The following TBC1D4 variants were observed in gnomAD, a reference collection of about 807,000 sequenced individuals.
The protein encoded by TBC1D4 is TBC1 domain family member 4.
A neutral mutation model predicts 142.5 loss-of-function variants in TBC1D4; 121 were observed. That is an observed-to-expected ratio of 0.85 (90% confidence interval 0.73 to 0.99). The LOEUF (loss-of-function observed/expected upper bound fraction) is 0.99. TBC1D4 is among the 50% of genes least tolerant of loss of function. The pLI is 0.00. For synonymous variants in TBC1D4, 630 were observed against 628.2 expected, an observed-to-expected ratio of 1.00 and a Z score of -0.04; for missense variants, 1,475 against 1,606.6, an observed-to-expected ratio of 0.92 and a Z score of 1.40.
chr13:75,296,317 A>C (rs1473286573), intron 17 of TBC1D4, among the ~76,000 whole-genome samples: 1 of 152,354 alleles, frequency 6.6e-6, no homozygotes, highest in Non-Finnish European at 1.5e-5. Flanking sequence ...TATCAACAAA[A>C]GAGTTAGTAT....
At chr13:75,331,387 C>A (rs1879730809) in intron 8 of TBC1D4, among the ~76,000 whole-genome samples, 1 of 151,998 alleles carries the variant, frequency 6.6e-6, no homozygotes, top group Non-Finnish European at 1.5e-5. Context: ...ATGGTCCTAG[C>A]TACTTGGGAG....
intron 12 of TBC1D4, among the ~76,000 whole-genome samples, chr13:75,316,125 T>C (rs1271611906): frequency 6.6e-6 from 1 of 152,228 alleles, no homozygotes; most frequent in Non-Finnish European, 1.5e-5. Flanking sequence ...TATATTTTAA[T>C]GCTGGAATTA....
chr13:75,374,027 A>C (rs906912483), intron 1 of TBC1D4, among the ~76,000 whole-genome samples: 12 of 152,294 alleles, frequency 7.9e-5, no homozygotes, highest in African/African-American at 2.9e-4. Flanking sequence ...TACGCACCTC[A>C]CACATATCTG....
chr13:75,384,434 A>G (rs1233463905), intron 1 of TBC1D4, among the ~76,000 whole-genome samples: 1 of 152,076 alleles, frequency 6.6e-6, no homozygotes, highest in Non-Finnish European at 1.5e-5. Context: ...CCATCTCAAA[A>G]ACCTCACCTC....
At position 75,291,343 on chromosome 13, in the gene TBC1D4, C is replaced by T. The variant is rs114384819; in HGVS notation, c.3486+759G>A. Among the ~76,000 whole-genome samples, 449 of 152,310 alleles carry T rather than the reference C, an allele frequency of 2.9e-3. 2 individuals are homozygous for T. Among genetic ancestry groups the T allele is most frequent in the African/African-American group, 0.01 (427 of 41,574 alleles). ...ACAACCAGCACAGAACCCTCCTCCA[C>T]GGTTCCAGCTCTCCCTGGGCCTAGT... On this transcript the variant is annotated intron_variant, in intron 19 of 20. Transcript: ENST00000377636.
intron 8 of TBC1D4, among the ~76,000 whole-genome samples, chr13:75,331,828 A>G (rs1253433077): frequency 2.1e-5 from 3 of 144,734 alleles, no homozygotes; most frequent in Non-Finnish European, 4.5e-5. Context: ...TGAATTTTCT[A>G]CTATACAACT....
At chr13:75,321,193 C>G (rs1878743756) in intron 11 of TBC1D4, among the ~76,000 whole-genome samples, 1 of 151,984 alleles carries the variant, frequency 6.6e-6, no homozygotes. Flanking sequence ...TACTATGAAC[C>G]TTCTCCCCTC....
intron 16 of TBC1D4, among the ~76,000 whole-genome samples, chr13:75,301,478 A>G (rs927223278): frequency 6.6e-6 from 1 of 151,892 alleles, no homozygotes; most frequent in Non-Finnish European, 1.5e-5. Context: ...CATCTCTACT[A>G]AAAATACAAA....
chr13:75,427,480 T>A (rs7330730), intron 1 of TBC1D4, among the ~76,000 whole-genome samples: 15,301 of 152,166 alleles, frequency 0.1, 1,180 homozygotes, highest in African/African-American at 0.22. Flanking sequence ...AGACTCAAGT[T>A]CAAGACCAGC....
Position 75,286,636 on chromosome 13 carries a change from G to C in TBC1D4, c.*156C>G, listed in dbSNP as rs1358496398. ...CAATGGCTTAGGATTGGCATGCTCTGATGAGCACGAGGTCCACCTGCTGTG... is the reference window on the plus strand; with the variant it reads ...CAATGGCTTAGGATTGGCATGCTCTCATGAGCACGAGGTCCACCTGCTGTG... On this transcript the variant is annotated 3_prime_UTR_variant, in exon 21 of 21. Coordinates refer to ENST00000377636, the MANE Select transcript of TBC1D4 (RefSeq NM_014832.5). The C allele has an allele frequency of 6.8e-6, 5 of 732,156 alleles. No individual in the cohort carries two copies. Among genetic ancestry groups the C allele is most frequent in the Middle Eastern group, 3.7e-4 (1 of 2,690 alleles). The allele number at this position is 732,156 out of a possible 1,614,324, so 45.4% of individuals were successfully genotyped here. A position where few individuals can be genotyped will look rare whatever the true frequency, so the allele number is the denominator to read the frequency against.
Position 75,385,738 on chromosome 13 carries a change from C to T in TBC1D4, c.499-23131G>A, listed in dbSNP as rs1035772810. 5.1e-4 allele frequency among the ~76,000 whole-genome samples: 77 copies of T among 152,220 alleles called. 2 individuals carry two copies. The highest frequency in any genetic ancestry group is 4.4e-5 in the Non-Finnish European group (3 of 68,046). On this transcript the variant is annotated intron_variant, in intron 1 of 20. Coordinates refer to ENST00000377636, the MANE Select transcript of TBC1D4 (RefSeq NM_014832.5). Reference sequence around the variant, plus strand: ...ATTTTATCTCCTTTAATCCTCACAACTATCCTTTGATCCTTTGAGGTAATT... The same window carrying T: ...ATTTTATCTCCTTTAATCCTCACAATTATCCTTTGATCCTTTGAGGTAATT...
At chr13:75,391,672 T>C (rs912683947) in intron 1 of TBC1D4, among the ~76,000 whole-genome samples, 2 of 152,212 alleles carry the variant, frequency 1.3e-5, no homozygotes, top group African/African-American at 4.8e-5. Context: ...TGATTGGCCC[T>C]TTCCTCTTTT....
intron 1 of TBC1D4, among the ~76,000 whole-genome samples, chr13:75,473,172 T>C (rs1348131450): frequency 6.6e-6 from 1 of 151,232 alleles, no homozygotes; most frequent in East Asian, 1.9e-4. Context: ...TAATTTTTGC[T>C]ATTTTTTTAG....
At chr13:75,348,950 A>AGTGT (rs1446471776) in intron 5 of TBC1D4, among the ~76,000 whole-genome samples, 47 of 124,912 alleles carry the variant, frequency 3.8e-4, no homozygotes, top group African/African-American at 1.4e-3. Context: ...AGAGAGAGAG[A>AGTGT]GAGAGTGTGT....
chr13:75,304,971 C>A (rs1027338380), intron 15 of TBC1D4, among the ~76,000 whole-genome samples: 2 of 151,992 alleles, frequency 1.3e-5, no homozygotes, highest in Non-Finnish European at 2.9e-5. Context: ...TGGCTGTGTC[C>A]CCACCCAAAT....
At chr13:75,406,232 A>G (rs541253676) in intron 1 of TBC1D4, among the ~76,000 whole-genome samples, 1 of 152,334 alleles carries the variant, frequency 6.6e-6, no homozygotes, top group African/African-American at 2.4e-5. Context: ...CCCAGAAGGA[A>G]AACACTTAGC....
At chr13:75,366,724 C>T (rs1005002140) in intron 1 of TBC1D4, among the ~76,000 whole-genome samples, 19 of 152,042 alleles carry the variant, frequency 1.2e-4, no homozygotes, top group African/African-American at 4.3e-4. Flanking sequence ...TGATGTCATG[C>T]TGTTCTTTCT....
intron 12 of TBC1D4, among the ~76,000 whole-genome samples, chr13:75,314,088 C>T (rs888015188): frequency 2.6e-5 from 4 of 152,008 alleles, no homozygotes; most frequent in Non-Finnish European, 4.4e-5. Context: ...TATGCTAGGC[C>T]TATCTGCAAA....
chr13:75,350,438 G>A (rs1264214499), intron 4 of TBC1D4, among the ~76,000 whole-genome samples: 2 of 152,122 alleles, frequency 1.3e-5, no homozygotes, highest in Non-Finnish European at 2.9e-5. Flanking sequence ...GTTACGTTTT[G>A]TTATATCAGC....
Sources: allele counts gnomAD v4.1 joint callset (sites outside exome capture counted in the v4.1 genomes callset), GRCh38; gene constraint gnomAD v4.1.1; transcripts MANE v1.5; gene names NCBI Gene and HGNC (gene_info 2026-07-23, HGNC 2026-07-21).